Variants in ASTN2 observed in about 807,000 individuals in gnomAD.
ASTN2 encodes astrotactin-2.
A neutral mutation model predicts 139.8 loss-of-function variants in ASTN2; 54 were observed. The ratio of observed to expected loss-of-function variants is 0.39; its 90% confidence interval spans 0.31 to 0.48. ASTN2 has a LOEUF of 0.48. Among genes scored for constraint, ASTN2 ranks in the 20% least tolerant of loss-of-function variants. ASTN2 has a pLI of 0.95. For synonymous variants in ASTN2, 756 were observed against 719.5 expected, an observed-to-expected ratio of 1.05 and a Z score of -0.81; for missense variants, 1,565 against 1,725.1, an observed-to-expected ratio of 0.91 and a Z score of 1.64.
In ASTN2 at chr9:117,414,861, C is replaced by T. The variant is rs1222182524; in HGVS notation, c.78G>A (p.Pro26=). The part of the protein sequence containing the change: ...LRGRPRLCFH[P]GPPPLLPLLL... Reference sequence around the variant, plus strand: ...GCAGCGGCAGCAGTGGCGGCGGCCCCGGGTGGAAGCAGAGCCTCGGCCGCC... The same window carrying T: ...GCAGCGGCAGCAGTGGCGGCGGCCCTGGGTGGAAGCAGAGCCTCGGCCGCC... Residue 26 remains proline, a synonymous_variant, in exon 1 of 23, where the codon CCG becomes CCA. Transcript: ENST00000313400. The surrounding 1 kb of genome is among the most constrained non-coding windows in gnomAD (Gnocchi z 4.2). The T allele has an allele frequency of 9.3e-7, 1 of 1,070,236 alleles. No homozygotes were observed. Among genetic ancestry groups the T allele is most frequent in the Non-Finnish European group, 1.2e-6 (1 of 863,920 alleles). The allele number at this position is 1,070,236 out of a possible 1,614,324, so 66.3% of individuals were successfully genotyped here.
chr9:117,073,182 A>AC (rs144313618), intron 5 of ASTN2, among the ~76,000 whole-genome samples: 23,148 of 151,846 alleles, frequency 0.15, 1,780 homozygotes, highest in East Asian at 0.19. Flanking sequence ...TATCTAATGC[A>AC]CCCCCCTTGC....
Position 116,425,000 on chromosome 9 carries a change from C to T in ASTN2, c.*851G>A, listed in dbSNP as rs373828223. Among the ~76,000 whole-genome samples the T allele has an allele frequency of 1.5e-3, 223 of 152,240 alleles. 2 individuals are homozygous for T. Among genetic ancestry groups the T allele is most frequent in the South Asian group, 0.011 (54 of 4,820 alleles). ...CAGGAGCCCTCCAGTGTGTCTCATG[C>T]TCTAACAGTGAGTGCAAAGAACCTC... is the stretch of plus-strand genomic sequence containing the variant. On this transcript the variant is annotated 3_prime_UTR_variant, in exon 23 of 23. Transcript: ENST00000313400.
intron 11 of ASTN2, among the ~76,000 whole-genome samples, chr9:116,828,489 G>GA (rs1288215125): frequency 3.3e-5 from 5 of 150,420 alleles, no homozygotes; most frequent in African/African-American, 9.8e-5. Context: ...CATAGATACA[G>GA]AAAAAAAAGC....
At chr9:116,764,884 A>C (rs1829765714) in intron 13 of ASTN2, among the ~76,000 whole-genome samples, 1 of 152,196 alleles carries the variant, frequency 6.6e-6, no homozygotes, top group Admixed American at 6.5e-5. Flanking sequence ...ATAATGGTCT[A>C]ATGCAGACAT....
At chr9:117,405,176 G>A (rs1830947264) in intron 1 of ASTN2, among the ~76,000 whole-genome samples, 1 of 152,218 alleles carries the variant, frequency 6.6e-6, no homozygotes, top group African/African-American at 2.4e-5. Context: ...TCTTGGTCAT[G>A]AGAAGAGGAT....
At chr9:117,181,490 A>C (rs1831065304) in intron 3 of ASTN2, among the ~76,000 whole-genome samples, 1 of 152,190 alleles carries the variant, frequency 6.6e-6, no homozygotes, top group Admixed American at 6.5e-5. Context: ...CATTCTGTAC[A>C]TGGAGTGTGC....
In ASTN2 at chr9:117,214,546, T is replaced by C. The variant is rs1564483299; in HGVS notation, c.827A>G (p.His276Arg). The C allele has an allele frequency of 6.2e-7, 1 of 1,613,440 alleles. No homozygotes were observed. Among genetic ancestry groups the C allele is most frequent in the East Asian group, 2.2e-5 (1 of 44,838 alleles). ...ESFRSSRLQT[H>R]NSVIGVPIRE... ...GATGGGCACGCCAATGACGGAATTG[T>C]GGGTTTGCAGCCGGGATGAACGGAA... is the stretch of plus-strand genomic sequence containing the variant. The change falls in exon 3 of 23, where the codon CAC becomes CGC. Residue 276 changes from histidine (H) to arginine (R), a missense_variant. This residue lies in a region of ASTN2 where 596 missense variants were observed against 576.8 expected (regional missense o/e 1.03). Coordinates refer to ENST00000313400, the MANE Select transcript of ASTN2 (RefSeq NM_001365068.1).
intron 5 of ASTN2, among the ~76,000 whole-genome samples, chr9:117,059,581 C>T (rs1176396121): frequency 6.6e-6 from 1 of 152,010 alleles, no homozygotes; most frequent in Non-Finnish European, 1.5e-5. Flanking sequence ...CCACTGCACT[C>T]CAGCTTGGGT....
intron 17 of ASTN2, among the ~76,000 whole-genome samples, chr9:116,637,964 A>G (rs1857152504): frequency 6.6e-6 from 1 of 152,116 alleles, no homozygotes; most frequent in Non-Finnish European, 1.5e-5. Flanking sequence ...ATACATAAAG[A>G]AGGATGTTCT....
At chr9:117,228,534 A>C (rs538812456) in intron 2 of ASTN2, among the ~76,000 whole-genome samples, 35 of 152,168 alleles carry the variant, frequency 2.3e-4, no homozygotes, top group Non-Finnish European at 4.6e-4. Context: ...AGGGGCAGAG[A>C]GTCAAGCATA....
At chr9:116,996,002 G>A (rs1195228350) in intron 7 of ASTN2, among the ~76,000 whole-genome samples, 1 of 151,998 alleles carries the variant, frequency 6.6e-6, no homozygotes, top group Non-Finnish European at 1.5e-5. Context: ...ACCATGCCCA[G>A]CTAATTTTCT....
intron 10 of ASTN2, among the ~76,000 whole-genome samples, chr9:116,865,764 G>A (rs1832999206): frequency 6.6e-6 from 1 of 152,186 alleles, no homozygotes; most frequent in Admixed American, 6.5e-5. Flanking sequence ...GGTACCTGCA[G>A]GCACCTCTCT....
intron 16 of ASTN2, among the ~76,000 whole-genome samples, chr9:116,656,985 G>C (rs140142034): frequency 8.7e-4 from 132 of 152,298 alleles, no homozygotes; most frequent in Admixed American, 1.4e-3. Context: ...AAGGGAGAGG[G>C]GAAAGGGGTG....
chr9:117,179,039 G>A (rs1239188974), intron 3 of ASTN2, among the ~76,000 whole-genome samples: 7 of 152,124 alleles, frequency 4.6e-5, no homozygotes, highest in East Asian at 1.9e-4. Flanking sequence ...CAGAGATAAC[G>A]TACGTGCACA....
intron 17 of ASTN2, 96 bp downstream of exon 17, chr9:116,651,432 A>G: frequency 7.3e-7 from 1 of 1,368,906 alleles, no homozygotes; most frequent in Non-Finnish European, 1.0e-6. Context: ...TATGATGATG[A>G]TCATGATGAC....
rs546148983 is a variant in ASTN2, at chr9:117,403,537, C to A, written c.442+10960G>T. ...CGTCTTCCTGTGCCTTCCCCCGATGCCCCACCCCCTTCCCTCCTCCGCCCT... is the reference window on the plus strand; with the variant it reads ...CGTCTTCCTGTGCCTTCCCCCGATGACCCACCCCCTTCCCTCCTCCGCCCT... On this transcript the variant is annotated intron_variant, in intron 1 of 22. Transcript: ENST00000313400. Among the ~76,000 whole-genome samples the A allele has an allele frequency of 9.2e-5, 14 of 151,892 alleles. No homozygotes were observed. The South Asian group carries it at 2.5e-3, about 27-fold the overall frequency.
intron 2 of ASTN2, among the ~76,000 whole-genome samples, chr9:117,286,416 AT>A (rs1432210431): frequency 7.1e-6 from 1 of 141,610 alleles, no homozygotes; most frequent in Non-Finnish European, 1.5e-5. Context: ...CAGTGGCGTG[AT>A]CCTGGCTCAC....
intron 3 of ASTN2, among the ~76,000 whole-genome samples, chr9:117,209,340 G>C (rs1010646730): frequency 6.6e-6 from 1 of 152,046 alleles, no homozygotes; most frequent in Non-Finnish European, 1.5e-5. Flanking sequence ...AACATAGAAT[G>C]AAAGTGAAGG....
rs988588245 is a variant in ASTN2 at position 117,352,516 on chromosome 9, C to T, written c.443-61003G>A. Among the ~76,000 whole-genome samples, 6 of 152,280 alleles carry T rather than the reference C, an allele frequency of 3.9e-5. No homozygotes were observed. In the East Asian group the frequency reaches 7.7e-4, roughly 20 times the overall value. On this transcript the variant is annotated intron_variant, in intron 1 of 22. Transcript: ENST00000313400. ...CCACAATTGGCCAACAGTTGTTGAG[C>T]TTCCAATGCACAGGGATTGAGGCAC...
Sources: gnomAD v4.1 joint callset for allele counts (sites outside exome capture counted in the v4.1 genomes callset) on GRCh38, gnomAD v4.1.1 for gene constraint, gnomAD v4.1.1 regional missense constraint, Gnocchi (gnomAD v3.1) non-coding constraint, MANE v1.5 for transcripts, NCBI Gene and HGNC (gene_info 2026-07-23, HGNC 2026-07-21) for gene names.